L3MBTL3: variants seen among roughly 807,000 people sequenced by gnomAD.
L3MBTL3 encodes lethal(3)malignant brain tumor-like protein 3.
L3MBTL3 carries 27 observed loss-of-function variants against 102.3 expected under a neutral mutation model. The observed-to-expected ratio is 0.26, with a 90% CI of 0.19 to 0.36. The LOEUF is 0.36. Among genes scored for constraint, L3MBTL3 ranks in the 10% least tolerant of loss-of-function variants. The pLI, the probability that L3MBTL3 is intolerant of heterozygous loss-of-function variation, is 1.00. For missense variants in L3MBTL3, 798 were observed against 955.3 expected, an observed-to-expected ratio of 0.84 and a Z score of 2.17; for synonymous variants, 340 against 320.9, an observed-to-expected ratio of 1.06 and a Z score of -0.64.
chr6:130,053,187 CCTT>C (rs1169804728), intron 7 of L3MBTL3, among the ~76,000 whole-genome samples, 196 bp downstream of exon 7: 1 of 111,718 alleles, frequency 9.0e-6, no homozygotes, highest in Non-Finnish European at 2.2e-5. Flanking sequence ...ACAATAGTAT[CCTT>C]CTCTCAGGGT....
At chr6:130,081,054 C>T (rs1281171517) in intron 14 of L3MBTL3, among the ~76,000 whole-genome samples, 1 of 152,264 alleles carries the variant, frequency 6.6e-6, no homozygotes, top group African/African-American at 2.4e-5. Flanking sequence ...AAGCTGCCCT[C>T]TAGGCCACCA....
At position 130,094,339 on chromosome 6, in the gene L3MBTL3, A is replaced by G. The variant is rs533560529; in HGVS notation, c.1708A>G (p.Lys570Glu). 2.5e-6 allele frequency: 4 copies of G among 1,613,818 alleles called. No individual in the cohort carries two copies. The East Asian group carries it at 6.7e-5, about 27-fold the overall frequency. ...TPGCKGIGHF[K>E]RARHLGPHSA... is the part of the protein sequence containing the mutation. ...GGGATGTAAAGGGATTGGCCATTTCAAGAGAGCGAGACATCTGGGCCCTCA... is the reference window on the plus strand; with the variant it reads ...GGGATGTAAAGGGATTGGCCATTTCGAGAGAGCGAGACATCTGGGCCCTCA... Residue 570 changes from lysine (K) to glutamate (E), a missense_variant, in exon 18 of 23, where the codon AAG (lysine) becomes GAG (glutamate). Physicochemically the swap from Lys to Glu is moderately conservative, Grantham distance 56. Around this residue, in one of 4 missense-constraint regions of L3MBTL3, gnomAD observed 306 missense variants for 314.4 expected, o/e 0.97. Coordinates refer to ENST00000361794, the MANE Select transcript of L3MBTL3 (RefSeq NM_032438.4).
At chr6:130,055,277 C>CT (rs747433483) in intron 8 of L3MBTL3, 22 bp downstream of exon 8, 11 of 1,567,590 alleles carry the variant, frequency 7.0e-6, no homozygotes, top group Middle Eastern at 3.4e-4. Context: ...AAAATAAAGT[C>CT]TTACTTGTAA....
chr6:130,066,959 T>C (rs972640171), intron 11 of L3MBTL3, among the ~76,000 whole-genome samples: 11 of 152,236 alleles, frequency 7.2e-5, no homozygotes, highest in Non-Finnish European at 4.4e-5. Context: ...ACTGTAACAC[T>C]AAAAATTGGC....
At chr6:130,130,581 T>A (rs1004760698) in intron 20 of L3MBTL3, among the ~76,000 whole-genome samples, 2 of 152,344 alleles carry the variant, frequency 1.3e-5, no homozygotes, top group Non-Finnish European at 2.9e-5. Context: ...TACACAAAAA[T>A]TCCTTAAATC....
intron 19 of L3MBTL3, among the ~76,000 whole-genome samples, chr6:130,118,733 A>G (rs181257049): frequency 6.6e-6 from 1 of 152,316 alleles, no homozygotes; most frequent in East Asian, 1.9e-4. Context: ...ATGAGTTAAA[A>G]CTGGGACAGT....
chr6:130,023,370 T>G (rs1278531139), intron 2 of L3MBTL3, among the ~76,000 whole-genome samples: 1 of 152,094 alleles, frequency 6.6e-6, no homozygotes, highest in Non-Finnish European at 1.5e-5. Flanking sequence ...GCAGAGACAA[T>G]GGGGCAAGAA....
intron 20 of L3MBTL3, among the ~76,000 whole-genome samples, chr6:130,125,165 A>G (rs1786511665): frequency 6.6e-6 from 1 of 152,102 alleles, no homozygotes; most frequent in Non-Finnish European, 1.5e-5. Flanking sequence ...ACTATTGCCA[A>G]CCAATATGGA....
intron 19 of L3MBTL3, among the ~76,000 whole-genome samples, chr6:130,108,226 T>TTTTG (rs1785108576): frequency 8.5e-6 from 1 of 117,582 alleles, no homozygotes; most frequent in Non-Finnish European, 1.7e-5. Context: ...GGTGGTTTTT[T>TTTTG]TTTTGTTTTT....
rs574915192 is a variant in L3MBTL3 at position 130,110,096 on chromosome 6, C to T, written c.1886+5521C>T. Among the ~76,000 whole-genome samples the T allele has an allele frequency of 9.2e-5, 14 of 152,002 alleles. No individual in the cohort carries two copies. The East Asian group carries it at 1.5e-3, about 17-fold the overall frequency. On this transcript the variant is annotated intron_variant, in intron 19 of 22. Coordinates refer to ENST00000361794, the MANE Select transcript of L3MBTL3 (RefSeq NM_032438.4). ...ACCAGTACCATGCTGTTTTGGTTAC[C>T]GTAGCCTTGTAGTATAGTTTGAAGT...
chr6:130,055,747 G>A (rs1043729686), intron 8 of L3MBTL3, among the ~76,000 whole-genome samples: 1 of 146,990 alleles, frequency 6.8e-6, no homozygotes, highest in Admixed American at 7.0e-5. Context: ...GGTGTTTCCT[G>A]CCTCTGCTTC....
chr6:130,120,525 G>A (rs1163192889), intron 19 of L3MBTL3, among the ~76,000 whole-genome samples: 5 of 152,122 alleles, frequency 3.3e-5, no homozygotes, highest in Admixed American at 6.5e-5. Flanking sequence ...CTTCCAAAAC[G>A]TCTTCTTTCT....
chr6:130,044,017 A>G (rs1469328523), intron 3 of L3MBTL3, among the ~76,000 whole-genome samples: 1 of 152,174 alleles, frequency 6.6e-6, no homozygotes, highest in African/African-American at 2.4e-5. Context: ...GTAAATTAGG[A>G]ATTAATTGAA....
chr6:130,031,266 G>A (rs1779705594), intron 2 of L3MBTL3, among the ~76,000 whole-genome samples: 1 of 152,198 alleles, frequency 6.6e-6, no homozygotes, highest in Non-Finnish European at 1.5e-5. Context: ...TTAGAAGGTA[G>A]CATCCTTGTA....
At chr6:130,105,392 G>A (rs1452210729) in intron 19 of L3MBTL3, among the ~76,000 whole-genome samples, 1 of 152,104 alleles carries the variant, frequency 6.6e-6, no homozygotes, top group Non-Finnish European at 1.5e-5. Context: ...CCCTTTGGAT[G>A]GAGTAGGGGA....
chr6:130,042,513 T>C (rs1315938822), intron 2 of L3MBTL3, among the ~76,000 whole-genome samples, 172 bp from the exon 3 acceptor site: 1 of 152,228 alleles, frequency 6.6e-6, no homozygotes, highest in African/African-American at 2.4e-5. Context: ...CCAAGGATCG[T>C]ACTAGGAAAA....
chr6:130,083,779 G>A, intron 15 of L3MBTL3, 74 bp downstream of exon 15: 3 of 719,504 alleles, frequency 4.2e-6, no homozygotes, highest in South Asian at 3.8e-5. Flanking sequence ...AGAACAAGAT[G>A]GTATTAGTAA....
At chr6:130,020,084 C>T (rs1031758977) in intron 1 of L3MBTL3, among the ~76,000 whole-genome samples, 6 of 149,828 alleles carry the variant, frequency 4.0e-5, no homozygotes, top group African/African-American at 1.5e-4. Flanking sequence ...TTTACGCCTG[C>T]CTTATTCTGG....
intron 19 of L3MBTL3, among the ~76,000 whole-genome samples, chr6:130,107,885 T>C (rs1253783695): frequency 6.6e-6 from 1 of 152,178 alleles, no homozygotes; most frequent in Non-Finnish European, 1.5e-5. Context: ...CCATCTAAGC[T>C]CTTAATGTAG....
Sources: allele counts gnomAD v4.1 joint callset (sites outside exome capture counted in the v4.1 genomes callset), GRCh38; gene constraint gnomAD v4.1.1; regional missense constraint gnomAD v4.1.1; transcripts MANE v1.5; gene names NCBI Gene and HGNC (gene_info 2026-07-23, HGNC 2026-07-21).